Variants in ACAP1 observed in about 807,000 individuals in gnomAD.
ACAP1 encodes the protein arf-GAP with coiled-coil, ANK repeat and PH domain-containing protein 1.
A neutral mutation model predicts 98.8 loss-of-function variants in ACAP1; 45 were observed. That is an observed-to-expected ratio of 0.46 (90% confidence interval 0.36 to 0.58). The LOEUF (loss-of-function observed/expected upper bound fraction) is 0.58, where lower values mean the gene tolerates loss of function less well. Among genes scored for constraint, ACAP1 ranks in the 20% least tolerant of loss-of-function variants. The probability of loss-of-function intolerance (pLI) is 0.00; values close to 1 mark genes in which losing one functional copy is unlikely to be tolerated. For synonymous variants in ACAP1, 362 were observed against 375.3 expected (o/e 0.96, Z 0.41); for missense variants, 735 against 971.4 (o/e 0.76, Z 3.24).
At chr17:7,348,805 C>T (rs1436886817) in intron 17 of ACAP1, 190 bp from the exon 18 acceptor site, 2 of 612,356 alleles carry the variant, frequency 3.3e-6, no homozygotes, top group Non-Finnish European at 5.7e-6. Flanking sequence ...CCCCCACACC[C>T]TAGGGACTCG....
Position 7,343,690 on chromosome 17 carries a change from T to C in ACAP1, c.529-16T>C, listed in dbSNP as rs200201817. ...GACTGATCTGGGGTTTTTTACGTCC[T>C]CTTTTACGTCCTCAGATCAACGTGA... is the stretch of plus-strand genomic sequence containing the variant. On this transcript the variant is annotated splice_polypyrimidine_tract_variant and intron_variant, in intron 6 of 21. Transcript: ENST00000158762. This position sits in a 1 kb window ranked among gnomAD's most constrained non-coding sequence, Gnocchi z 4.9. 1 of 1,612,830 alleles carries C rather than the reference T, an allele frequency of 6.2e-7. No homozygotes were observed. The highest frequency in any genetic ancestry group is 8.5e-7 in the Non-Finnish European group (1 of 1,179,228).
In ACAP1 at chr17:7,349,107, T is replaced by G. The variant is rs2073377410; in HGVS notation, c.1791T>G (p.Asp597Glu). 8 of 1,614,048 alleles carry G rather than the reference T, an allele frequency of 5.0e-6. No individual in the cohort carries two copies. Among genetic ancestry groups the G allele is most frequent in the Non-Finnish European group, 6.8e-6 (8 of 1,179,988 alleles). Residue 597 changes from aspartate (D) to glutamate (E), a missense_variant, in exon 18 of 22, where the codon GAT (aspartate) becomes GAG (glutamate). By Grantham distance (45) the Asp-to-Glu change is conservative. This residue lies in a region of ACAP1 where 142 missense variants were observed against 224.1 expected (regional missense o/e 0.63). Coordinates refer to ENST00000158762, the MANE Select transcript of ACAP1 (RefSeq NM_014716.4). ...TMADALAHGADVNWVNGGQDN... is the reference protein window; with the variant it reads ...TMADALAHGAEVNWVNGGQDN... ...CTGATGCCCTTGCCCATGGAGCTGA[T>G]GTCAACTGGGTCAATGGGGGCCAAG...
Position 7,347,051 on chromosome 17 carries a change from A to C in ACAP1, c.1152A>C (p.Ile384=). 1 of 1,600,092 alleles carries C rather than the reference A, an allele frequency of 6.2e-7. No homozygotes were observed. The highest frequency in any genetic ancestry group is 8.5e-7 in the Non-Finnish European group (1 of 1,171,322). ...GPGQGSGHLA[I]GSAATLGSGG... Reference sequence around the variant, plus strand: ...CCCAGGGCTCAGGACACCTGGCCATAGGCTCTGCTGCCACCCTGGGCTCTG... The same window carrying C: ...CCCAGGGCTCAGGACACCTGGCCATCGGCTCTGCTGCCACCCTGGGCTCTG... Residue 384 remains isoleucine, a synonymous_variant, in exon 14 of 22, where the codon ATA becomes ATC. Coordinates refer to ENST00000158762, the MANE Select transcript of ACAP1 (RefSeq NM_014716.4).
chr17:7,339,140 A>G (rs2073250425), intron 2 of ACAP1, among the ~76,000 whole-genome samples: 1 of 151,600 alleles, frequency 6.6e-6, no homozygotes, highest in African/African-American at 2.4e-5. Context: ...AATACAAAAA[A>G]TTATTCGGGT....
In ACAP1 at chr17:7,338,687, T is replaced by C. The variant is rs578134017; in HGVS notation, c.111+1318T>C. Among the ~76,000 whole-genome samples, 4 of 152,104 alleles carry C rather than the reference T, an allele frequency of 2.6e-5. No individual in the cohort carries two copies. The South Asian group carries it at 8.3e-4, about 32-fold the overall frequency. On this transcript the variant is annotated intron_variant, in intron 2 of 21. Transcript: ENST00000158762. The stretch of plus-strand genomic sequence containing the variant: ...CCCCAGTAGCTGTGCTACAGGCACA[T>C]GCCACCACGCCTGGCTTTTTTAAAT...
intron 17 of ACAP1, 190 bp from the exon 18 acceptor site, chr17:7,348,805 C>A: frequency 1.6e-6 from 1 of 612,356 alleles, no homozygotes; most frequent in South Asian, 2.2e-5. Flanking sequence ...CCCCCACACC[C>A]TAGGGACTCG....
At chr17:7,351,029 G>A (rs1200730474) in intron 21 of ACAP1, 30 bp downstream of exon 21, 1 of 1,609,398 alleles carries the variant, frequency 6.2e-7, no homozygotes, top group Non-Finnish European at 8.5e-7. Flanking sequence ...CACCCCCCAG[G>A]CCCAACACCT....
intron 15 of ACAP1, 23 bp from the exon 16 acceptor site, chr17:7,348,104 G>T: frequency 6.2e-7 from 1 of 1,613,488 alleles, no homozygotes; most frequent in East Asian, 2.2e-5. Context: ...CCCTGTCTCT[G>T]CCTCTGCCTG....
chr17:7,341,548 G>A (rs1001820162), intron 2 of ACAP1, among the ~76,000 whole-genome samples: 1 of 152,294 alleles, frequency 6.6e-6, no homozygotes, highest in East Asian at 1.9e-4. Context: ...GGCCAATACT[G>A]TAGAATTTAA....
At chr17:7,348,712 G>C in intron 17 of ACAP1, 1 of 586,644 alleles carries the variant, frequency 1.7e-6, no homozygotes, top group Non-Finnish European at 2.9e-6. Flanking sequence ...GAGAGAGAGA[G>C]GGGGTGGGTT....
chr17:7,348,056 A>T, intron 15 of ACAP1, 65 bp downstream of exon 15: 1 of 1,610,390 alleles, frequency 6.2e-7, no homozygotes, highest in East Asian at 2.2e-5. Flanking sequence ...ATGGCGGTGC[A>T]GGGGCGTGAT....
chr17:7,350,863 G>T lies in ACAP1; in HGVS notation c.2073-87G>T. Reference sequence around the variant, plus strand: ...CTGACCTCGTGATCCGCCTGCCTCGGCCTCCCAAAGTGTTGGGATTACAGG... The same window carrying T: ...CTGACCTCGTGATCCGCCTGCCTCGTCCTCCCAAAGTGTTGGGATTACAGG... On this transcript the variant is annotated intron_variant, in intron 20 of 21. Transcript: ENST00000158762. This position sits in a 1 kb window ranked among gnomAD's most constrained non-coding sequence, Gnocchi z 4.6. The T allele has an allele frequency of 7.5e-7, 1 of 1,325,572 alleles. No homozygotes were observed. The highest frequency in any genetic ancestry group is 1.1e-6 in the Non-Finnish European group (1 of 922,188). 82.1% of individuals were successfully genotyped at this position (1,325,572 alleles called of 1,614,324 possible).
chr17:7,349,941 G>A lies in ACAP1; in HGVS notation c.1852-4G>A. ...CAACCCCCCTTCTCGACTTCTCCAT[G>A]CAGAATTCTCTTCTGGCCTGTGAGT... is the stretch of plus-strand genomic sequence containing the variant. On this transcript the variant is annotated splice_region_variant and splice_polypyrimidine_tract_variant and intron_variant, in intron 18 of 21. Transcript: ENST00000158762. The A allele has an allele frequency of 1.9e-6, 3 of 1,600,746 alleles. No homozygotes were observed. The highest frequency in any genetic ancestry group is 1.1e-5 in the South Asian group (1 of 90,292).
At chr17:7,342,587 G>C in intron 5 of ACAP1, 113 bp downstream of exon 5, 1 of 1,197,090 alleles carries the variant, frequency 8.4e-7, no homozygotes, top group Non-Finnish European at 1.2e-6. Context: ...CCAACATGGC[G>C]AAACTGTCTC....
intron 2 of ACAP1, among the ~76,000 whole-genome samples, chr17:7,338,951 T>C (rs1220544310): frequency 4.6e-5 from 7 of 152,000 alleles, no homozygotes; most frequent in Non-Finnish European, 1.5e-5. Flanking sequence ...TATACAATAC[T>C]AGTACATTAT....
In ACAP1 at chr17:7,336,618, G is replaced by A. The variant is rs551185719; in HGVS notation, c.-117G>A. 211 of 1,073,984 alleles carry A rather than the reference G, an allele frequency of 2.0e-4. 1 individual carries two copies. The South Asian group carries it at 2.5e-3, about 13-fold the overall frequency. 66.5% of individuals were successfully genotyped at this position (1,073,984 alleles called of 1,614,324 possible). On this transcript the variant is annotated 5_prime_UTR_variant, in exon 1 of 22. Transcript: ENST00000158762. ...ATTGTGCCCCCAGGCCCTTCCCCGCGGAGGTCCCTCTCCTCCTTCCCCCTC... is the reference window on the plus strand; with the variant it reads ...ATTGTGCCCCCAGGCCCTTCCCCGCAGAGGTCCCTCTCCTCCTTCCCCCTC...
At chr17:7,339,665 A>G (rs1418349210) in intron 2 of ACAP1, among the ~76,000 whole-genome samples, 1 of 152,156 alleles carries the variant, frequency 6.6e-6, no homozygotes, top group East Asian at 1.9e-4. Flanking sequence ...TAAATAAATA[A>G]ATAAACTCTA....
rs1290788425 is a variant in ACAP1 at position 7,344,200 on chromosome 17, C to A, written c.744+77C>A. Reference sequence around the variant, plus strand: ...GCTGAGGTGGGAAGATTGCTTGAGGCCTGGAGTTCAAGATTAGCCTAGGCA... The same window carrying A: ...GCTGAGGTGGGAAGATTGCTTGAGGACTGGAGTTCAAGATTAGCCTAGGCA... On this transcript the variant is annotated intron_variant, in intron 9 of 21. Transcript: ENST00000158762. This position sits in a 1 kb window ranked among gnomAD's most constrained non-coding sequence, Gnocchi z 4.9. The A allele has an allele frequency of 6.8e-7, 1 of 1,466,122 alleles. No individual in the cohort carries two copies. The highest frequency in any genetic ancestry group is 9.3e-7 in the Non-Finnish European group (1 of 1,072,486). The allele number at this position is 1,466,122 out of a possible 1,614,324, so 90.8% of individuals were successfully genotyped here. A position where few individuals can be genotyped will look rare whatever the true frequency, so the allele number is the denominator to read the frequency against.
rs2073255209 is a variant in ACAP1 at position 7,339,523 on chromosome 17, T to C, written c.111+2154T>C. On this transcript the variant is annotated intron_variant, in intron 2 of 21. Transcript: ENST00000158762. ...TACTCAGGAGGCTGAGGCAGGAGAA[T>C]TGCTTGAACCCAGGAGGCGGAGGTT... is the stretch of plus-strand genomic sequence containing the variant. Among the ~76,000 whole-genome samples, 4 of 152,044 alleles carry C rather than the reference T, an allele frequency of 2.6e-5. No individual in the cohort carries two copies. The South Asian group carries it at 8.3e-4, about 32-fold the overall frequency.
Sources: allele counts gnomAD v4.1 joint callset (sites outside exome capture counted in the v4.1 genomes callset), GRCh38; gene constraint gnomAD v4.1.1; regional missense constraint gnomAD v4.1.1; non-coding constraint Gnocchi (gnomAD v3.1); transcripts MANE v1.5; gene names NCBI Gene and HGNC (gene_info 2026-07-23, HGNC 2026-07-21).